The following LCMT1 variants were observed in gnomAD, a reference collection of about 807,000 sequenced individuals.
LCMT1 encodes leucine carboxyl methyltransferase 1.
LCMT1 carries 32 observed loss-of-function variants against 47.7 expected under a neutral mutation model. The observed-to-expected ratio is 0.67, with a 90% CI of 0.51 to 0.90. The LOEUF (loss-of-function observed/expected upper bound fraction) is 0.90, where lower values mean the gene tolerates loss of function less well. Among genes scored for constraint, LCMT1 ranks in the 40% least tolerant of loss-of-function variants. The probability of loss-of-function intolerance (pLI) is 0.00; values close to 1 mark genes in which losing one functional copy is unlikely to be tolerated. For synonymous variants in LCMT1, 152 were observed against 149.7 expected, an observed-to-expected ratio of 1.02 and a Z score of -0.11; for missense variants, 375 against 415.2, an observed-to-expected ratio of 0.90 and a Z score of 0.84.
chr16:25,134,953 G>C (rs942505842), intron 3 of LCMT1, among the ~76,000 whole-genome samples: 1 of 152,180 alleles, frequency 6.6e-6, no homozygotes, highest in Admixed American at 6.5e-5. Flanking sequence ...TGAGGAACCA[G>C]AGCACAGTAC....
At position 25,132,538 on chromosome 16, in the gene LCMT1, C is replaced by T. The variant is rs140920734; in HGVS notation, c.327+15C>T. The T allele has an allele frequency of 3.1e-6, 5 of 1,610,978 alleles. No homozygotes were observed. In the African/African-American group the frequency reaches 5.3e-5, roughly 17 times the overall value. The stretch of plus-strand genomic sequence containing the variant: ...GGAGATTAAAGGTATGTTCAAATTC[C>T]CCTCCTCCCTCCCCAAGTGTTTAGA... On this transcript the variant is annotated intron_variant, in intron 3 of 10. Coordinates refer to ENST00000399069, the MANE Select transcript of LCMT1 (RefSeq NM_016309.3).
intron 3 of LCMT1, among the ~76,000 whole-genome samples, chr16:25,135,826 C>T (rs1960487056): frequency 6.6e-6 from 1 of 152,114 alleles, no homozygotes; most frequent in Non-Finnish European, 1.5e-5. Context: ...TGCAGTTGGT[C>T]ACGCCTGTAA....
At chr16:25,151,521 C>A in intron 4 of LCMT1, 33 bp from the exon 5 acceptor site, 6 of 1,556,362 alleles carry the variant, frequency 3.9e-6, no homozygotes, top group Non-Finnish European at 5.3e-6. Flanking sequence ...AGCAAATAGA[C>A]TCATTTTTCT....
rs1400928560 is a variant in LCMT1 at position 25,177,691 on chromosome 16, TGTGTGTGTGGAAGATCC to T, written c.983-307_983-291del. On this transcript the variant is annotated intron_variant, in intron 10 of 10. Transcript: ENST00000399069. ...CTGCTTTGGGACATCAGTGCTTGTC[TGTGTGTGTGGAAGATCC>T]GTATCTGCCTTTGCTCAAAGTTCAG... 6.6e-5 allele frequency among the ~76,000 whole-genome samples: 10 copies of T among 152,330 alleles called. 1 individual carries two copies. In the South Asian group the frequency reaches 2.1e-3, roughly 32 times the overall value.
chr16:25,141,192 A>G (rs1375279023), intron 4 of LCMT1: 1 of 152,230 alleles, frequency 6.6e-6, no homozygotes, highest in Non-Finnish European at 1.5e-5. Flanking sequence ...AAAACACAAT[A>G]CGCCAAAAGT....
At position 25,169,163 on chromosome 16, in the gene LCMT1, C is replaced by T. The variant is rs376104801; in HGVS notation, c.742C>T (p.Arg248Cys). 1.7e-5 allele frequency: 27 copies of T among 1,613,424 alleles called. No homozygotes were observed. The highest frequency in any genetic ancestry group is 5.0e-5 in the Admixed American group (3 of 59,998). Reference protein sequence around the residue: ...GQIMIENLRRRQCDLAGVETC... With the variant: ...GQIMIENLRRCQCDLAGVETC... The stretch of plus-strand genomic sequence containing the variant: ...GATCATGATTGAAAACCTGCGGAGA[C>T]GCCAGTGTGACCTGGCGGGAGTGGA... The change falls in exon 8 of 11, where the codon CGC (arginine) becomes TGC (cysteine). Residue 248 changes from arginine (R) to cysteine (C), a missense_variant. Physicochemically the swap from Arg to Cys is radical, Grantham distance 180 (BLOSUM62 -3). Transcript: ENST00000399069.
intron 3 of LCMT1, among the ~76,000 whole-genome samples, chr16:25,139,042 C>A (rs932730887): frequency 2.6e-5 from 4 of 152,050 alleles, no homozygotes; most frequent in African/African-American, 9.7e-5. Context: ...CGGGTTCAAG[C>A]AATTCTCCTG....
intron 5 of LCMT1, among the ~76,000 whole-genome samples, chr16:25,152,290 C>T (rs545958316): frequency 3.9e-5 from 6 of 152,244 alleles, no homozygotes; most frequent in Non-Finnish European, 5.9e-5. Context: ...TAGGGAAGAA[C>T]GCCTACAGGC....
intron 10 of LCMT1, among the ~76,000 whole-genome samples, chr16:25,176,122 TGGCCGAGTAG>T (rs1432509045): frequency 9.2e-5 from 14 of 152,202 alleles, no homozygotes; most frequent in African/African-American, 3.1e-4. Flanking sequence ...TGCCTGTCTG[TGGCCGAGTAG>T]GGCCACGGAG....
At chr16:25,161,302 T>G in intron 6 of LCMT1, 98 bp downstream of exon 6, 1 of 593,640 alleles carries the variant, frequency 1.7e-6, no homozygotes. Flanking sequence ...CATGTTCCAT[T>G]TTTTATTCTT....
chr16:25,150,314 G>A (rs1961035459), intron 4 of LCMT1, among the ~76,000 whole-genome samples: 1 of 148,398 alleles, frequency 6.7e-6, no homozygotes, highest in African/African-American at 2.5e-5. Context: ...CAAGATCAAG[G>A]CATCTTCATA....
intron 5 of LCMT1, among the ~76,000 whole-genome samples, chr16:25,157,718 TTCATTCAGGTGGAACTTCTCAGCTGGGC>T (rs1961303955): frequency 1.3e-5 from 2 of 152,208 alleles, no homozygotes; most frequent in Admixed American, 6.5e-5. Flanking sequence ...TTGGGTTGGG[TTCATTCAGGTGGAACTTCTCAGCTGGGC>T]TCATTCCAGC....
Position 25,151,713 on chromosome 16 carries a change from G to GTGTGTGTA in LCMT1, c.466+105_466+106insATGTGTGT, listed in dbSNP as rs1961088581. ...TTGTGTTGGGTGTGTGTGTGTGTGT[G>GTGTGTGTA]TGTGTGTGTGGTGTTATACAATGTA... is the stretch of plus-strand genomic sequence containing the variant. On this transcript the variant is annotated intron_variant, in intron 5 of 10. Transcript: ENST00000399069. 4 of 794,660 alleles carry GTGTGTGTA rather than the reference G, an allele frequency of 5.0e-6. No homozygotes were observed. The South Asian group carries it at 6.6e-5, about 13-fold the overall frequency. 49.2% of individuals were successfully genotyped at this position (794,660 alleles called of 1,614,324 possible). A position where few individuals can be genotyped will look rare whatever the true frequency, so the allele number is the denominator to read the frequency against.
intron 7 of LCMT1, among the ~76,000 whole-genome samples, chr16:25,168,698 T>C (rs1961658562): frequency 6.6e-6 from 1 of 152,202 alleles, no homozygotes; most frequent in Admixed American, 6.5e-5. Context: ...TAGAGGTCAT[T>C]TCATGTCTAT....
intron 5 of LCMT1, among the ~76,000 whole-genome samples, chr16:25,160,452 C>A (rs1251689116): frequency 6.6e-6 from 1 of 152,206 alleles, no homozygotes; most frequent in Non-Finnish European, 1.5e-5. Flanking sequence ...TACATTAGTA[C>A]ATAAACTGTC....
intron 3 of LCMT1, among the ~76,000 whole-genome samples, chr16:25,139,772 T>G (rs1036729619): frequency 1.8e-4 from 27 of 152,100 alleles, no homozygotes; most frequent in African/African-American, 6.5e-4. Context: ...CCTCAAACGA[T>G]CCTCCTGCCT....
intron 5 of LCMT1, among the ~76,000 whole-genome samples, chr16:25,154,643 C>A (rs538304950): frequency 1.3e-5 from 2 of 151,802 alleles, no homozygotes; most frequent in Non-Finnish European, 2.9e-5. Context: ...CCCGCCACCA[C>A]GCCCGGCTAA....
intron 1 of LCMT1, among the ~76,000 whole-genome samples, chr16:25,126,476 T>C (rs1353387478): frequency 6.6e-6 from 1 of 152,292 alleles, no homozygotes; most frequent in Non-Finnish European, 1.5e-5. Flanking sequence ...GGCCATCCCC[T>C]TCTGAGAGAG....
intron 7 of LCMT1, 58 bp from the exon 8 acceptor site, chr16:25,169,054 T>G (rs1466486252): frequency 6.7e-6 from 8 of 1,202,658 alleles, no homozygotes; most frequent in Non-Finnish European, 8.6e-6. Flanking sequence ...AATGATGTTT[T>G]ATTTTGCATA....
Sources: allele counts gnomAD v4.1 joint callset (sites outside exome capture counted in the v4.1 genomes callset), GRCh38; gene constraint gnomAD v4.1.1; transcripts MANE v1.5; gene names NCBI Gene and HGNC (gene_info 2026-07-23, HGNC 2026-07-21).